SPRED2: variants seen among roughly 807,000 people sequenced by gnomAD.
SPRED2 encodes the protein sprouty-related, EVH1 domain-containing protein 2.
Under a neutral mutation model 43.0 loss-of-function variants are expected in SPRED2, and 47 were observed. The ratio of observed to expected loss-of-function variants is 1.09; its 90% CI spans 0.87 to 1.40. The LOEUF is 1.40. SPRED2 is among the 40% of genes most tolerant of loss of function. The probability of loss-of-function intolerance (pLI) is 0.00; values close to 1 mark genes in which losing one functional copy is unlikely to be tolerated. For missense variants in SPRED2, 561 were observed against 586.4 expected (o/e 0.96, Z 0.45); for synonymous variants, 225 against 225.7 (o/e 1.00, Z 0.03).
At chr2:65,398,968 C>T (rs1473800167) in intron 1 of SPRED2, among the ~76,000 whole-genome samples, 1 of 152,158 alleles carries the variant, frequency 6.6e-6, no homozygotes, top group African/African-American at 2.4e-5. Context: ...TGCCTATCAA[C>T]CAACAAGTGG....
intron 5 of SPRED2, 66 bp from the exon 6 acceptor site, chr2:65,314,235 C>T: frequency 1.4e-6 from 2 of 1,449,122 alleles, no homozygotes; most frequent in Admixed American, 2.3e-5. Flanking sequence ...CAAAAAAACA[C>T]CCCACCTTCT....
chr2:65,351,156 G>A (rs1674500277), intron 1 of SPRED2, among the ~76,000 whole-genome samples: 1 of 152,158 alleles, frequency 6.6e-6, no homozygotes, highest in African/African-American at 2.4e-5. Flanking sequence ...ATCAGAGAGT[G>A]GAGGGGCAGG....
At chr2:65,417,880 C>T (rs562766920) in intron 1 of SPRED2, among the ~76,000 whole-genome samples, 15 of 152,220 alleles carry the variant, frequency 9.9e-5, no homozygotes, top group African/African-American at 2.7e-4. Flanking sequence ...ACTTCACTGA[C>T]GAGTGCTGTG....
At chr2:65,414,812 C>T (rs1256152215) in intron 1 of SPRED2, among the ~76,000 whole-genome samples, 4 of 152,090 alleles carry the variant, frequency 2.6e-5, no homozygotes, top group Non-Finnish European at 4.4e-5. Flanking sequence ...ACAGGGAGAA[C>T]AGAGTTGCAG....
intron 1 of SPRED2, among the ~76,000 whole-genome samples, chr2:65,382,337 G>T (rs773340309): frequency 3.9e-5 from 6 of 152,210 alleles, no homozygotes; most frequent in Non-Finnish European, 8.8e-5. Flanking sequence ...CAGGGGGGGT[G>T]CTTTGGAAAG....
In SPRED2 at chr2:65,331,996, G is replaced by C; in HGVS notation, c.429C>G (p.Asp143Glu). The part of the protein sequence containing the change: ...IHNEAELGDD[D>E]VFTTATDSSS... ...GACAAAGGAAACTTACTGTAAAAAC[G>C]TCATCATCGCCAAGCTCAGCTTCAT... Residue 143 changes from aspartate (D) to glutamate (E), a missense_variant, in exon 4 of 6, where the codon GAC (aspartate) becomes GAG (glutamate). Physicochemically the swap from Asp to Glu is conservative, Grantham distance 45 (BLOSUM62 2). This residue lies in a region of SPRED2 where 305 missense variants were observed against 282.4 expected (regional missense o/e 1.08). Coordinates refer to ENST00000356388, the MANE Select transcript of SPRED2 (RefSeq NM_181784.3). 1 of 1,607,574 alleles carries C rather than the reference G, an allele frequency of 6.2e-7. No individual in the cohort carries two copies. The highest frequency in any genetic ancestry group is 8.5e-7 in the Non-Finnish European group (1 of 1,176,080).
chr2:65,332,691 G>A (rs1440951934), intron 3 of SPRED2, among the ~76,000 whole-genome samples: 1 of 152,204 alleles, frequency 6.6e-6, no homozygotes, highest in Non-Finnish European at 1.5e-5. Flanking sequence ...CAAAATTACA[G>A]CTCTTGTTAG....
intron 1 of SPRED2, chr2:65,366,757 A>G (rs1485724229): frequency 1.4e-5 from 20 of 1,463,124 alleles, no homozygotes. Context: ...CTCCTTGACA[A>G]ATATACTGCA....
At chr2:65,345,094 AC>A (rs1420371583) in intron 1 of SPRED2, among the ~76,000 whole-genome samples, 198 bp from the exon 2 acceptor site, 3 of 152,210 alleles carry the variant, frequency 2.0e-5, no homozygotes, top group Non-Finnish European at 4.4e-5. Flanking sequence ...ATATAAAAGT[AC>A]ATTTTAAAAA....
At chr2:65,314,385 T>C (rs1408071022) in intron 5 of SPRED2, among the ~76,000 whole-genome samples, 6 of 152,316 alleles carry the variant, frequency 3.9e-5, no homozygotes, top group Non-Finnish European at 7.3e-5. Flanking sequence ...AATCCATTAA[T>C]GGGCCAGGAA....
intron 1 of SPRED2, among the ~76,000 whole-genome samples, chr2:65,403,063 C>A (rs1039674052): frequency 1.3e-5 from 2 of 152,200 alleles, no homozygotes; most frequent in Non-Finnish European, 2.9e-5. Context: ...AAAATACATT[C>A]CCAAAAGCCA....
At chr2:65,344,522 A>G (rs1472948242) in intron 2 of SPRED2, 197 bp downstream of exon 2, 3 of 739,898 alleles carry the variant, frequency 4.1e-6, no homozygotes, top group African/African-American at 3.5e-5. Context: ...GCGTGTGGTC[A>G]AAAGAGACTT....
At chr2:65,431,443 C>T (rs1676690256) in intron 1 of SPRED2, among the ~76,000 whole-genome samples, 3 of 152,060 alleles carry the variant, frequency 2.0e-5, no homozygotes, top group Non-Finnish European at 2.9e-5. Context: ...CCTCCTCTCG[C>T]TCCGCCGTGT....
intron 1 of SPRED2, among the ~76,000 whole-genome samples, chr2:65,412,599 T>G (rs2103768116): frequency 6.6e-6 from 1 of 152,334 alleles, no homozygotes; most frequent in South Asian, 2.1e-4. Flanking sequence ...CTGTTGTTCC[T>G]ATAGACTGGA....
downstream of SPRED2, chr2:65,308,568 C>T: frequency 1.2e-5 from 12 of 985,452 alleles, no homozygotes; most frequent in Non-Finnish European, 1.4e-5. Flanking sequence ...GATGTTTCCT[C>T]AGGGCCTCAG....
At chr2:65,324,900 CCT>C (rs548213153) in intron 4 of SPRED2, among the ~76,000 whole-genome samples, 117 of 152,304 alleles carry the variant, frequency 7.7e-4, no homozygotes, top group African/African-American at 2.8e-3. Flanking sequence ...CCCTTCAAGT[CCT>C]CTAGGTTTTC....
intron 1 of SPRED2, among the ~76,000 whole-genome samples, chr2:65,358,524 A>C (rs1328253918): frequency 6.6e-6 from 1 of 152,252 alleles, no homozygotes; most frequent in Non-Finnish European, 1.5e-5. Context: ...ATTCAGAGTG[A>C]AAAGGAGAAA....
intron 1 of SPRED2, among the ~76,000 whole-genome samples, chr2:65,404,890 G>C (rs1675988207): frequency 2.0e-5 from 3 of 152,048 alleles, no homozygotes; most frequent in Non-Finnish European, 4.4e-5. Flanking sequence ...CACACCCCTG[G>C]GCCCTTTTAT....
At chr2:65,354,476 T>G (rs1045133347) in intron 1 of SPRED2, among the ~76,000 whole-genome samples, 2 of 152,130 alleles carry the variant, frequency 1.3e-5, no homozygotes, top group Non-Finnish European at 2.9e-5. Context: ...AGTGTTTATC[T>G]CCTGTAGCTT....
Sources: allele counts gnomAD v4.1 joint callset (sites outside exome capture counted in the v4.1 genomes callset), GRCh38; gene constraint gnomAD v4.1.1; regional missense constraint gnomAD v4.1.1; transcripts MANE v1.5; gene names NCBI Gene and HGNC (gene_info 2026-07-23, HGNC 2026-07-21).